LDAH: variants seen among roughly 807,000 people sequenced by gnomAD.
LDAH encodes the protein lipid droplet associated hydrolase.
A neutral mutation model predicts 29.6 loss-of-function variants in LDAH; 26 were observed. The observed-to-expected ratio is 0.88, with a 90% confidence interval of 0.64 to 1.22. The LOEUF (loss-of-function observed/expected upper bound fraction) is 1.22. Among genes scored for constraint, LDAH ranks in the 50% most tolerant of loss-of-function variants. LDAH has a pLI of 0.00. For missense variants in LDAH, 344 were observed against 387.3 expected (o/e 0.89, Z 0.94); for synonymous variants, 117 against 133.0 (o/e 0.88, Z 0.83).
At position 20,790,357 on chromosome 2, in the gene LDAH, C is replaced by G; in HGVS notation, c.196G>C (p.Ala66Pro). The change falls in exon 3 of 7, where the codon GCT becomes CCT. Residue 66 changes from alanine (A) to proline (P), a missense_variant. Ala to Pro is a conservative substitution (Grantham distance 27). Coordinates refer to ENST00000237822, the MANE Select transcript of LDAH (RefSeq NM_021925.4). Reference protein sequence around the residue: ...FSAFYVPFAKALYSLTNRRFP... With the variant: ...FSAFYVPFAKPLYSLTNRRFP... ...CGTCTGTTTGTCAAAGAGTATAAAG[C>G]CTTTGCAAATGGCACATAAAAGGCA... The G allele has an allele frequency of 3.1e-6, 5 of 1,614,040 alleles. No homozygotes were observed. The highest frequency in any genetic ancestry group is 4.2e-6 in the Non-Finnish European group (5 of 1,179,970).
At chr2:20,755,632 C>T (rs957580932) in intron 4 of LDAH, among the ~76,000 whole-genome samples, 2 of 152,200 alleles carry the variant, frequency 1.3e-5, no homozygotes, top group South Asian at 4.1e-4. Flanking sequence ...CCAATACCCT[C>T]AAGCAACTTC....
intron 2 of LDAH, among the ~76,000 whole-genome samples, chr2:20,790,639 A>C (rs1441453166): frequency 6.6e-6 from 1 of 152,188 alleles, no homozygotes; most frequent in Non-Finnish European, 1.5e-5. Context: ...ACTGCATATA[A>C]GGCACTTCAA....
At chr2:20,749,626 A>G (rs1016677435) in intron 4 of LDAH, among the ~76,000 whole-genome samples, 4 of 152,244 alleles carry the variant, frequency 2.6e-5, no homozygotes, top group African/African-American at 9.6e-5. Flanking sequence ...GTCAACTGGA[A>G]GGCAAAGAGT....
chr2:20,749,979 A>G (rs1667850034), intron 4 of LDAH, among the ~76,000 whole-genome samples: 1 of 151,720 alleles, frequency 6.6e-6, no homozygotes, highest in Non-Finnish European at 1.5e-5. Flanking sequence ...AGACTCAGCA[A>G]TAACCGAAAT....
chr2:20,756,294 C>T (rs1435362654), intron 4 of LDAH, among the ~76,000 whole-genome samples: 1 of 152,134 alleles, frequency 6.6e-6, no homozygotes, highest in Non-Finnish European at 1.5e-5. Context: ...CTCGGCCTTC[C>T]AAAGTGCTGG....
Position 20,820,511 on chromosome 2 carries a change from G to A in LDAH, c.-3+2526C>T, listed in dbSNP as rs1370194991. ...ACAAACCTGACAAAAACAAGAAATG[G>A]GGAAAGGATTCCCTACTTAACAAAT... On this transcript the variant is annotated intron_variant, in intron 1 of 6. Transcript: ENST00000237822. Among the ~76,000 whole-genome samples, 3 of 152,162 alleles carry A rather than the reference G, an allele frequency of 2.0e-5. No individual in the cohort carries two copies. In the East Asian group the frequency reaches 5.8e-4, roughly 29 times the overall value.
intron 6 of LDAH, among the ~76,000 whole-genome samples, chr2:20,701,292 G>A (rs1663916393): frequency 1.3e-5 from 2 of 152,106 alleles, no homozygotes; most frequent in South Asian, 2.1e-4. Flanking sequence ...CTCAGTAGAA[G>A]GCCTAGAGAG....
intron 4 of LDAH, among the ~76,000 whole-genome samples, chr2:20,750,012 G>C (rs1667852782): frequency 6.9e-6 from 1 of 145,424 alleles, no homozygotes; most frequent in Non-Finnish European, 1.5e-5. Context: ...TTTTACGTCT[G>C]CCTTACTAAA....
chr2:20,786,854 G>T (rs1055228893), intron 3 of LDAH, among the ~76,000 whole-genome samples: 6 of 152,154 alleles, frequency 3.9e-5, no homozygotes, highest in Admixed American at 2.0e-4. Flanking sequence ...CCCCAGGTTG[G>T]ATAAAGCTCT....
At chr2:20,748,007 G>A (rs1212081790) in intron 4 of LDAH, among the ~76,000 whole-genome samples, 1 of 152,052 alleles carries the variant, frequency 6.6e-6, no homozygotes, top group Non-Finnish European at 1.5e-5. Flanking sequence ...TTGTTTGGAG[G>A]CAATTTTCTT....
intron 1 of LDAH, among the ~76,000 whole-genome samples, chr2:20,815,428 A>T (rs1246450069): frequency 6.6e-6 from 1 of 152,174 alleles, no homozygotes; most frequent in Non-Finnish European, 1.5e-5. Context: ...TACAGAGTCA[A>T]GAAGCTGAGA....
intron 6 of LDAH, among the ~76,000 whole-genome samples, chr2:20,696,120 C>A (rs1001174658): frequency 6.6e-6 from 1 of 152,230 alleles, no homozygotes; most frequent in Non-Finnish European, 1.5e-5. Context: ...ACAGGCAGAA[C>A]TAACACAATC....
chr2:20,821,368 A>G (rs920551796), intron 1 of LDAH, among the ~76,000 whole-genome samples: 2 of 152,236 alleles, frequency 1.3e-5, no homozygotes, highest in Non-Finnish European at 2.9e-5. Context: ...AACCAACCCA[A>G]ACGTCCAACA....
chr2:20,771,008 T>C (rs1669376065), intron 4 of LDAH, among the ~76,000 whole-genome samples: 1 of 152,234 alleles, frequency 6.6e-6, no homozygotes. Context: ...TATTTAACAG[T>C]CTTTCAATTA....
chr2:20,712,935 G>C (rs1233495761), intron 5 of LDAH, among the ~76,000 whole-genome samples: 1 of 152,176 alleles, frequency 6.6e-6, no homozygotes, highest in East Asian at 1.9e-4. Context: ...AAAGTGATGG[G>C]GAGAATGAAA....
At chr2:20,715,496 C>A (rs1216871602) in intron 5 of LDAH, among the ~76,000 whole-genome samples, 2 of 152,334 alleles carry the variant, frequency 1.3e-5, no homozygotes, top group East Asian at 3.9e-4. Flanking sequence ...TATCTCACCA[C>A]ACCTATTTAA....
intron 5 of LDAH, among the ~76,000 whole-genome samples, chr2:20,710,792 G>A (rs1156824719): frequency 6.7e-6 from 1 of 149,114 alleles, no homozygotes; most frequent in Non-Finnish European, 1.5e-5. Context: ...TTTTGGCATA[G>A]GTAGCACTTC....
chr2:20,703,024 C>T (rs766618501), intron 5 of LDAH, among the ~76,000 whole-genome samples: 11 of 152,204 alleles, frequency 7.2e-5, no homozygotes, highest in Non-Finnish European at 1.3e-4. Flanking sequence ...CAGGGTTTCA[C>T]CATGTTGGTC....
In LDAH at chr2:20,698,716, T is replaced by C. The variant is rs1025925628; in HGVS notation, c.786+2854A>G. On this transcript the variant is annotated intron_variant, in intron 6 of 6. Transcript: ENST00000237822. The surrounding 1 kb of genome is among the most constrained non-coding windows in gnomAD (Gnocchi z 4.4). The stretch of plus-strand genomic sequence containing the variant: ...AAAAGGAAAAAGAAATAACCTATGA[T>C]GCCATAAACCATGGTATACTCCTTT... Among the ~76,000 whole-genome samples the C allele has an allele frequency of 3.3e-5, 5 of 152,112 alleles. No individual in the cohort carries two copies. The East Asian group carries it at 9.6e-4, about 29-fold the overall frequency.
Sources: gnomAD v4.1 joint callset for allele counts (sites outside exome capture counted in the v4.1 genomes callset) on GRCh38, gnomAD v4.1.1 for gene constraint, Gnocchi (gnomAD v3.1) non-coding constraint, MANE v1.5 for transcripts, NCBI Gene and HGNC (gene_info 2026-07-23, HGNC 2026-07-21) for gene names.